Variants in C1orf185 observed in about 807,000 individuals in gnomAD.
C1orf185 encodes uncharacterized protein C1orf185.
In C1orf185, 13 loss-of-function variants were observed where a neutral mutation model predicts 16.1. The observed-to-expected ratio is 0.81, with a 90% confidence interval of 0.53 to 1.28. The LOEUF (loss-of-function observed/expected upper bound fraction) is 1.28. Among genes scored for constraint, C1orf185 ranks in the 50% most tolerant of loss-of-function variants. The pLI, the probability that C1orf185 is intolerant of heterozygous loss-of-function variation, is 0.00. For synonymous variants in C1orf185, 80 were observed against 76.9 expected (o/e 1.04, Z -0.21); for missense variants, 220 against 225.2 (o/e 0.98, Z 0.15).
At chr1:51,129,013 T>C (rs969758034) in intron 3 of C1orf185, among the ~76,000 whole-genome samples, 1 of 151,862 alleles carries the variant, frequency 6.6e-6, no homozygotes, top group African/African-American at 2.4e-5. Flanking sequence ...GCCTCCTGAG[T>C]AGCTGGGATT....
At chr1:51,107,820 T>C (rs1398635746) in intron 1 of C1orf185, among the ~76,000 whole-genome samples, 6 of 152,248 alleles carry the variant, frequency 3.9e-5, no homozygotes, top group Non-Finnish European at 8.8e-5. Context: ...ATAGTTGTAG[T>C]TTATTCTTTC....
downstream of C1orf185, among the ~76,000 whole-genome samples, chr1:51,149,261 T>C (rs1175018605): frequency 6.6e-6 from 1 of 152,308 alleles, no homozygotes; most frequent in East Asian, 1.9e-4. Flanking sequence ...ATTCATACCT[T>C]CCTGAGAGAT....
chr1:51,145,787 A>G (rs1646395093), intron 4 of C1orf185, 27 bp downstream of exon 4: 2 of 1,195,532 alleles, frequency 1.7e-6, no homozygotes, highest in South Asian at 1.6e-5. Context: ...ATTTATTAGA[A>G]GAAATCTTAA....
chr1:51,145,984 C>T (rs548184751), intron 4 of C1orf185, among the ~76,000 whole-genome samples: 11 of 152,124 alleles, frequency 7.2e-5, no homozygotes, highest in Admixed American at 2.0e-4. Context: ...TAATTTTTAT[C>T]TCTTATTTGT....
At chr1:51,131,196 C>T (rs1197369186) in intron 3 of C1orf185, among the ~76,000 whole-genome samples, 1 of 152,210 alleles carries the variant, frequency 6.6e-6, no homozygotes, top group Non-Finnish European at 1.5e-5. Flanking sequence ...AGCCACTATG[C>T]CCAGCCGTTA....
At chr1:51,137,910 A>G (rs571678923) in intron 3 of C1orf185, among the ~76,000 whole-genome samples, 1 of 152,220 alleles carries the variant, frequency 6.6e-6, no homozygotes, top group African/African-American at 2.4e-5. Context: ...AGGAACGTGG[A>G]TGGAACTCAA....
chr1:51,145,555 T>C (rs17392154), intron 3 of C1orf185, among the ~76,000 whole-genome samples, 169 bp from the exon 4 acceptor site: 9,832 of 152,222 alleles, frequency 0.065, 411 homozygotes, highest in Non-Finnish European at 0.1. Flanking sequence ...ACTTCAACTT[T>C]TTCTTTTCTG....
chr1:51,127,236 CTTTCTAGTCAA>C (rs894687780), intron 3 of C1orf185, among the ~76,000 whole-genome samples: 3 of 152,044 alleles, frequency 2.0e-5, no homozygotes, highest in African/African-American at 7.2e-5. Flanking sequence ...CTCATGTCTG[CTTTCTAGTCAA>C]TTCCTCTACC....
Position 51,147,600 on chromosome 1 carries a change from T to C in C1orf185, c.429T>C (p.Tyr143=). 6.4e-7 allele frequency: 1 copy of C among 1,551,584 alleles called. No homozygotes were observed. The highest frequency in any genetic ancestry group is 1.4e-5 in the African/African-American group (1 of 73,158). ...TATCAACATTACCATCTGATTCTTATTACAGCCAAAGTATAGAAGCAGCTG... is the reference window on the plus strand; with the variant it reads ...TATCAACATTACCATCTGATTCTTACTACAGCCAAAGTATAGAAGCAGCTG... ...LSLSTLPSDS[Y]YSQSIEAADD... Residue 143 remains tyrosine, a synonymous_variant, in exon 5 of 5, where the codon TAT becomes TAC. Transcript: ENST00000371759.
downstream of C1orf185, among the ~76,000 whole-genome samples, chr1:51,152,085 G>T (rs912237312): frequency 3.9e-5 from 6 of 152,146 alleles, no homozygotes; most frequent in African/African-American, 1.4e-4. Flanking sequence ...CTCCCAAGTA[G>T]CTGGGACTAC....
intron 3 of C1orf185, among the ~76,000 whole-genome samples, chr1:51,120,204 G>A (rs150353608): frequency 6.6e-6 from 1 of 152,284 alleles, no homozygotes; most frequent in African/African-American, 2.4e-5. Context: ...ATGAGATTGC[G>A]ATGAGCCTCA....
At chr1:51,143,132 T>C (rs1056904606) in intron 3 of C1orf185, among the ~76,000 whole-genome samples, 2 of 152,204 alleles carry the variant, frequency 1.3e-5, no homozygotes, top group African/African-American at 4.8e-5. Flanking sequence ...TTTTTTGTTT[T>C]TGCCACACTG....
At chr1:51,148,870 T>C (rs1443660558), downstream of C1orf185, among the ~76,000 whole-genome samples, 2 of 152,190 alleles carry the variant, frequency 1.3e-5, no homozygotes. Context: ...GAGGCTGCAA[T>C]GAGTTGAGAA....
intron 3 of C1orf185, among the ~76,000 whole-genome samples, chr1:51,137,682 C>T (rs564969414): frequency 1.3e-5 from 2 of 152,224 alleles, no homozygotes; most frequent in Non-Finnish European, 2.9e-5. Context: ...TACCATTTGA[C>T]CCCACAATCC....
chr1:51,139,091 C>CT lies in C1orf185; in HGVS notation c.259-6623dup, dbSNP rs896936511. ...ATGAAATCAGCCTCAAATTTCCTTTCTTTTTTTTTTCTTTTTCTTTTTTTC... is the reference window on the plus strand; with the variant it reads ...ATGAAATCAGCCTCAAATTTCCTTTCTTTTTTTTTTTCTTTTTCTTTTTTTC... On this transcript the variant is annotated intron_variant, in intron 3 of 4. Coordinates refer to ENST00000371759, the MANE Select transcript of C1orf185 (RefSeq NM_001136508.2). Among the ~76,000 whole-genome samples the CT allele has an allele frequency of 4.0e-4, 60 of 149,350 alleles. 1 individual carries two copies. The highest frequency in any genetic ancestry group is 3.4e-3 in the Middle Eastern group (1 of 290).
chr1:51,124,020 T>A (rs935449433), intron 3 of C1orf185, among the ~76,000 whole-genome samples: 3 of 151,546 alleles, frequency 2.0e-5, no homozygotes, highest in African/African-American at 7.3e-5. Flanking sequence ...ATCAGATATG[T>A]ACTTTGCAAA....
intron 1 of C1orf185, among the ~76,000 whole-genome samples, chr1:51,108,500 G>T (rs1001266431): frequency 6.6e-6 from 1 of 152,004 alleles, no homozygotes; most frequent in African/African-American, 2.4e-5. Flanking sequence ...TTGTCACCCT[G>T]CTCTGCCATC....
intron 1 of C1orf185, among the ~76,000 whole-genome samples, chr1:51,105,893 C>T (rs1404297576): frequency 2.6e-5 from 4 of 152,154 alleles, no homozygotes; most frequent in African/African-American, 9.7e-5. Context: ...CAGAAAGTGA[C>T]ACTCATTGAA....
chr1:51,116,112 C>A (rs544532087), intron 2 of C1orf185, among the ~76,000 whole-genome samples: 67 of 152,210 alleles, frequency 4.4e-4, no homozygotes, highest in African/African-American at 1.5e-3. Flanking sequence ...ATTCTATTTA[C>A]CTTACTTCAT....
Sources: allele counts gnomAD v4.1 joint callset (sites outside exome capture counted in the v4.1 genomes callset), GRCh38; gene constraint gnomAD v4.1.1; transcripts MANE v1.5; gene names NCBI Gene and HGNC (gene_info 2026-07-23, HGNC 2026-07-21).